Variants in RNPEPL1 observed in about 807,000 individuals in gnomAD.
The protein encoded by RNPEPL1 is arginyl aminopeptidase like 1, also known as aminopeptidase RNPEPL1.
In RNPEPL1, 46 loss-of-function variants were observed where a neutral mutation model predicts 69.0. The ratio of observed to expected loss-of-function variants is 0.67; its 90% confidence interval spans 0.53 to 0.85. RNPEPL1 has a LOEUF of 0.85. Among genes scored for constraint, RNPEPL1 ranks in the 40% least tolerant of loss-of-function variants. The pLI is 0.00. For synonymous variants in RNPEPL1, 525 were observed against 454.1 expected, an observed-to-expected ratio of 1.16 and a Z score of -1.98; for missense variants, 869 against 992.5, an observed-to-expected ratio of 0.88 and a Z score of 1.67.
At position 240,574,558 on chromosome 2, in the gene RNPEPL1, C is replaced by G; in HGVS notation, c.1218C>G (p.Ala406=). The G allele has an allele frequency of 6.2e-7, 1 of 1,612,934 alleles. No individual in the cohort carries two copies. Residue 406 remains alanine, a synonymous_variant, in exon 6 of 11, where the codon GCC becomes GCG. Transcript: ENST00000270357. ...TGGAGACTGCCTTCCGCCTGGACGC[C>G]CTGCACCGGCAGATGAAGCTTCTGG... ...TCLETAFRLD[A]LHRQMKLLGE...
At chr2:240,572,776 G>C (rs2125449029) in intron 2 of RNPEPL1, among the ~76,000 whole-genome samples, 1 of 152,350 alleles carries the variant, frequency 6.6e-6, no homozygotes, top group East Asian at 1.9e-4. Context: ...TGAGGGGTCG[G>C]GGTCCTGGAC....
Position 240,577,750 on chromosome 2 carries a change from C to G in RNPEPL1, c.2036C>G (p.Ser679Cys). 1 of 1,612,350 alleles carries G rather than the reference C, an allele frequency of 6.2e-7. No individual in the cohort carries two copies. The highest frequency in any genetic ancestry group is 1.1e-5 in the South Asian group (1 of 90,996). ...IQQILSQGLG[S>C]STEPASEPST... ...CAGATCCTGTCCCAGGGCCTGGGCT[C>G]CAGCACAGAGCCCGCCTCAGAGCCC... Residue 679 changes from serine to cysteine, a missense_variant, in exon 11 of 11, where the codon TCC (serine) becomes TGC (cysteine). This residue lies in a region of RNPEPL1 where 610 missense variants were observed against 790.9 expected (regional missense o/e 0.77). Coordinates refer to ENST00000270357, the MANE Select transcript of RNPEPL1 (RefSeq NM_018226.6).
chr2:240,577,433 G>A (rs1216777057), intron 10 of RNPEPL1, among the ~76,000 whole-genome samples, 166 bp from the exon 11 acceptor site: 2 of 152,228 alleles, frequency 1.3e-5, no homozygotes, highest in Admixed American at 6.5e-5. Context: ...GCAGGGTGGA[G>A]GTGGGAGGCT....
Position 240,575,020 on chromosome 2 carries a change from C to T in RNPEPL1, c.1289-10C>T. 6.2e-7 allele frequency: 1 copy of T among 1,608,590 alleles called. No homozygotes were observed. Among genetic ancestry groups the T allele is most frequent in the Non-Finnish European group, 8.5e-7 (1 of 1,175,314 alleles). ...TCGGACGCCAGCCCAGGTGGGTGTT[C>T]ACCTTGCAGGAGTGAATCCCAGCCA... On this transcript the variant is annotated splice_polypyrimidine_tract_variant and intron_variant, in intron 6 of 10. Transcript: ENST00000270357.
rs746524713 is a variant in RNPEPL1 at position 240,574,223 on chromosome 2, A to G, written c.1049A>G (p.Asp350Gly). The G allele has an allele frequency of 6.2e-7, 1 of 1,613,108 alleles. No individual in the cohort carries two copies. Among genetic ancestry groups the G allele is most frequent in the Non-Finnish European group, 8.5e-7 (1 of 1,179,880 alleles). The change falls in exon 5 of 11, where the codon GAT becomes GGT. Residue 350 changes from aspartate (D) to glycine (G), a missense_variant. This residue lies in a region of RNPEPL1 where 610 missense variants were observed against 790.9 expected (regional missense o/e 0.77). Coordinates refer to ENST00000270357, the MANE Select transcript of RNPEPL1 (RefSeq NM_018226.6). ...ILESDEFLVIDVIHEVAHSWF... is the reference protein window; with the variant it reads ...ILESDEFLVIGVIHEVAHSWF... ...GAGAGCGATGAGTTCCTGGTCATCG[A>G]TGTCATCCACGAGGTGGCCCACAGT...
intron 8 of RNPEPL1, 115 bp downstream of exon 8, chr2:240,575,725 G>A (rs1052175771): frequency 1.5e-5 from 12 of 781,022 alleles, no homozygotes; most frequent in Middle Eastern, 3.2e-4. Flanking sequence ...TTCACTGTCT[G>A]TCCTTCAGCC....
At chr2:240,573,010 T>C in intron 2 of RNPEPL1, 100 bp from the exon 3 acceptor site, 1 of 1,346,788 alleles carries the variant, frequency 7.4e-7, no homozygotes, top group Non-Finnish European at 9.9e-7. Flanking sequence ...GGATGTAGGG[T>C]TTCCTGCTAC....
At chr2:240,572,924 C>T (rs1157362815) in intron 2 of RNPEPL1, among the ~76,000 whole-genome samples, 186 bp from the exon 3 acceptor site, 1 of 152,206 alleles carries the variant, frequency 6.6e-6, no homozygotes, top group Non-Finnish European at 1.5e-5. Flanking sequence ...GGTTTGCAGG[C>T]TGGGAGCTAG....
intron 5 of RNPEPL1, 56 bp downstream of exon 5, chr2:240,574,404 G>A: frequency 6.4e-7 from 1 of 1,562,644 alleles, no homozygotes; most frequent in Non-Finnish European, 8.7e-7. Context: ...TGGTCCAGGG[G>A]CAGAGAGCCT....
At chr2:240,570,259 G>A (rs1012677508) in intron 1 of RNPEPL1, among the ~76,000 whole-genome samples, 1 of 152,216 alleles carries the variant, frequency 6.6e-6, no homozygotes, top group Admixed American at 6.5e-5. Flanking sequence ...TGCTGTGAAC[G>A]GGGCCCAGTG....
Position 240,575,622 on chromosome 2 carries a change from C to T in RNPEPL1, c.1510+12C>T. The T allele has an allele frequency of 5.0e-6, 8 of 1,608,080 alleles. No individual in the cohort carries two copies. The highest frequency in any genetic ancestry group is 6.8e-6 in the Non-Finnish European group (8 of 1,175,462). On this transcript the variant is annotated intron_variant, in intron 8 of 10. Coordinates refer to ENST00000270357, the MANE Select transcript of RNPEPL1 (RefSeq NM_018226.6). ...GGACTGCCGGGCAGGTGAGGCTGAC[C>T]CCCAACCCTGCAGCCAGGGAGCCGT... is the stretch of plus-strand genomic sequence containing the variant.
At position 240,574,131 on chromosome 2, in the gene RNPEPL1, G is replaced by C; in HGVS notation, c.957G>C (p.Leu319=). 4 of 1,613,012 alleles carry C rather than the reference G, an allele frequency of 2.5e-6. No homozygotes were observed. The highest frequency in any genetic ancestry group is 3.4e-6 in the Non-Finnish European group (4 of 1,179,838). ...GGTGCAGGTACGACATTGTCTTCCT[G>C]CCACCCTCCTTCCCCATCGTGGCCA... is the stretch of plus-strand genomic sequence containing the variant. ...YMWGRYDIVF[L]PPSFPIVAME... is the part of the protein sequence containing the mutation. The change falls in exon 5 of 11, where the codon CTG becomes CTC. Residue 319 remains leucine (L), a synonymous_variant. Coordinates refer to ENST00000270357, the MANE Select transcript of RNPEPL1 (RefSeq NM_018226.6).
At chr2:240,572,075 C>T (rs1176977064) in intron 1 of RNPEPL1, among the ~76,000 whole-genome samples, 1 of 152,262 alleles carries the variant, frequency 6.6e-6, no homozygotes, top group Non-Finnish European at 1.5e-5. Context: ...GCCTCAGTTT[C>T]CCTATGGAAG....
Position 240,577,885 on chromosome 2 carries a change from C to A in RNPEPL1, c.2171C>A (p.Ser724Tyr). Residue 724 changes from serine to tyrosine, a missense_variant, in exon 11 of 11, where the codon TCT becomes TAT. Around this residue, in one of 2 missense-constraint regions of RNPEPL1, gnomAD observed 610 missense variants for 790.9 expected, o/e 0.77. Coordinates refer to ENST00000270357, the MANE Select transcript of RNPEPL1 (RefSeq NM_018226.6). ...ATCTCTCTCAGGGACGTCAATGTGT[C>A]TGCCTAGCCCTGTTGGCGGGCTGAC... The part of the protein sequence containing the change: ...SAISLRDVNV[S>Y]A 1 of 1,503,330 alleles carries A rather than the reference C, an allele frequency of 6.7e-7. No individual in the cohort carries two copies. The highest frequency in any genetic ancestry group is 1.3e-5 in the South Asian group (1 of 75,708). The allele number at this position is 1,503,330 out of a possible 1,614,324, so 93.1% of individuals were successfully genotyped here.
intron 8 of RNPEPL1, 37 bp from the exon 9 acceptor site, chr2:240,576,498 C>A: frequency 1.9e-6 from 3 of 1,565,798 alleles, no homozygotes; most frequent in Non-Finnish European, 2.6e-6. Flanking sequence ...CCCTTCCTAG[C>A]CTGGGCAGGG....
chr2:240,574,749 C>A, intron 6 of RNPEPL1, 121 bp downstream of exon 6: 2 of 920,232 alleles, frequency 2.2e-6, no homozygotes, highest in Non-Finnish European at 3.3e-6. Flanking sequence ...GGACCCCTGC[C>A]AAGGCCAAGC....
intron 8 of RNPEPL1, 62 bp downstream of exon 8, chr2:240,575,672 T>G: frequency 2.2e-6 from 3 of 1,357,142 alleles, no homozygotes; most frequent in Non-Finnish European, 3.2e-6. Context: ...GCGGGGCCTC[T>G]GCTGCCTGAG....
rs1173298112 is a variant in RNPEPL1 at position 240,578,420 on chromosome 2, GC to G, written c.*529del. On this transcript the variant is annotated 3_prime_UTR_variant, in exon 11 of 11. Transcript: ENST00000270357. ...CACAGACATTCCCTCAGTGTGGGGGGCAGGGGACACAGGGAGAGGATGGTTG... is the reference window on the plus strand; with the variant it reads ...CACAGACATTCCCTCAGTGTGGGGGGAGGGGACACAGGGAGAGGATGGTTG... 1 of 152,534 alleles carries G rather than the reference GC, an allele frequency of 6.6e-6. No individual in the cohort carries two copies. Among genetic ancestry groups the G allele is most frequent in the Non-Finnish European group, 1.5e-5 (1 of 68,266 alleles). The allele number at this position is 152,534 out of a possible 1,614,324, so 9.4% of individuals were successfully genotyped here.
rs778021050 is a variant in RNPEPL1, at chr2:240,578,413, G to GT, written c.*522dup. On this transcript the variant is annotated 3_prime_UTR_variant, in exon 11 of 11. Coordinates refer to ENST00000270357, the MANE Select transcript of RNPEPL1 (RefSeq NM_018226.6). ...ACAAGGACACAGACATTCCCTCAGTGTGGGGGGCAGGGGACACAGGGAGAG... is the reference window on the plus strand; with the variant it reads ...ACAAGGACACAGACATTCCCTCAGTGTTGGGGGGCAGGGGACACAGGGAGAG... The GT allele has an allele frequency of 2.0e-3, 300 of 152,780 alleles. No individual in the cohort carries two copies. Among genetic ancestry groups the GT allele is most frequent in the Admixed American group, 3.7e-3 (56 of 15,306 alleles). 9.5% of individuals were successfully genotyped at this position (152,780 alleles called of 1,614,324 possible).
Sources: gnomAD v4.1 joint callset for allele counts (sites outside exome capture counted in the v4.1 genomes callset) on GRCh38, gnomAD v4.1.1 for gene constraint, gnomAD v4.1.1 regional missense constraint, MANE v1.5 for transcripts, NCBI Gene and HGNC (gene_info 2026-07-23, HGNC 2026-07-21) for gene names.